The following ALK variants were observed in gnomAD, a reference collection of about 807,000 sequenced individuals.
The protein encoded by ALK is ALK tyrosine kinase receptor.
A neutral mutation model predicts 163.1 loss-of-function variants in ALK; 74 were observed. The ratio of observed to expected loss-of-function variants is 0.45; its 90% CI spans 0.38 to 0.55. The LOEUF is 0.55. ALK is among the 20% of genes least tolerant of loss of function. The pLI, the probability that ALK is intolerant of heterozygous loss-of-function variation, is 0.00. For missense variants in ALK, 2,063 were observed against 2,105.3 expected, an observed-to-expected ratio of 0.98 and a Z score of 0.39; for synonymous variants, 960 against 843.2, an observed-to-expected ratio of 1.14 and a Z score of -2.40.
chr2:29,232,676 T>C (rs867810296), intron 14 of ALK, among the ~76,000 whole-genome samples: 71 of 152,316 alleles, frequency 4.7e-4, no homozygotes, highest in African/African-American at 1.6e-3. Context: ...AAGACCTATA[T>C]ACCAAGAGCA....
intron 4 of ALK, among the ~76,000 whole-genome samples, chr2:29,420,153 T>C (rs1334621162): frequency 4.7e-5 from 3 of 63,592 alleles, no homozygotes; most frequent in African/African-American, 1.6e-4. Flanking sequence ...TGAGACCCTG[T>C]CTTAAAAAAA....
rs1572503392 is a variant in ALK, at chr2:29,920,318, T to C, written c.342A>G (p.Ser114=). 6 of 1,556,038 alleles carry C rather than the reference T, an allele frequency of 3.9e-6. No individual in the cohort carries two copies. Among genetic ancestry groups the C allele is most frequent in the Non-Finnish European group, 5.2e-6 (6 of 1,151,410 alleles). The stretch of plus-strand genomic sequence containing the variant: ...GCGTCCGGGCCTCTGCCGGGGCTGG[T>C]GAACCGGCGGTCCAGGAGACCCCCG... ...PAPGVSWTAG[S]PAPAEARTLS... Residue 114 remains serine, a synonymous_variant, in exon 1 of 29, where the codon TCA becomes TCG. Coordinates refer to ENST00000389048, the MANE Select transcript of ALK (RefSeq NM_004304.5).
At chr2:29,235,139 T>TA (rs1664336348) in intron 13 of ALK, among the ~76,000 whole-genome samples, 1 of 152,236 alleles carries the variant, frequency 6.6e-6, no homozygotes, top group African/African-American at 2.4e-5. Context: ...CCTGAAGAAG[T>TA]AGGATGGTGC....
intron 1 of ALK, among the ~76,000 whole-genome samples, chr2:29,771,268 C>T (rs79251953): frequency 0.026 from 3,916 of 152,174 alleles, 81 homozygotes; most frequent in South Asian, 0.056. Context: ...AACCAAAAGA[C>T]TTGAATTTCT....
At chr2:29,369,882 C>T (rs2148292263) in intron 5 of ALK, among the ~76,000 whole-genome samples, 1 of 152,268 alleles carries the variant, frequency 6.6e-6, no homozygotes, top group East Asian at 1.9e-4. Flanking sequence ...TTTTGCATTA[C>T]ATACAGCCAC....
chr2:29,537,206 C>A (rs1406084856), intron 3 of ALK, among the ~76,000 whole-genome samples: 3 of 152,134 alleles, frequency 2.0e-5, no homozygotes, highest in Non-Finnish European at 4.4e-5. Context: ...ATATCCAAGA[C>A]AATAAAAAAA....
rs761459938 is a variant in ALK at position 29,207,267 on chromosome 2, C to T, written c.3842G>A (p.Ser1281Asn). The T allele has an allele frequency of 9.9e-6, 16 of 1,613,884 alleles. No homozygotes were observed. In the Admixed American group the frequency reaches 2.7e-4, roughly 27 times the overall value. ...GGCACAGCCTCCCTTTCTATAGTAG[C>T]TCGCCCTGTGGGGAAGGAGAGGAAA... ...FGMARDIYRA[S>N]YYRKGGCAML... Residue 1281 changes from serine to asparagine, a missense_variant, in exon 26 of 29, where the codon AGC (serine) becomes AAC (asparagine). Transcript: ENST00000389048.
chr2:29,287,664 G>T (rs978775411), intron 9 of ALK, among the ~76,000 whole-genome samples: 1 of 152,014 alleles, frequency 6.6e-6, no homozygotes, highest in Non-Finnish European at 1.5e-5. Context: ...CAATGTGAGC[G>T]GAGCAGAAGT....
At chr2:29,908,960 C>A (rs1352193635) in intron 1 of ALK, among the ~76,000 whole-genome samples, 3 of 152,084 alleles carry the variant, frequency 2.0e-5, no homozygotes, top group Non-Finnish European at 4.4e-5. Flanking sequence ...GAAAAAAAAA[C>A]TAAACCAATA....
At chr2:29,575,352 G>T (rs1338450397) in intron 3 of ALK, among the ~76,000 whole-genome samples, 1 of 152,148 alleles carries the variant, frequency 6.6e-6, no homozygotes, top group African/African-American at 2.4e-5. Flanking sequence ...TTTTCACCAG[G>T]TTTCATCTGT....
intron 4 of ALK, among the ~76,000 whole-genome samples, chr2:29,481,104 C>T (rs571429813): frequency 4.6e-5 from 7 of 152,276 alleles, no homozygotes; most frequent in South Asian, 2.1e-4. Context: ...TTAGTGAACG[C>T]GAGACCTGAG....
chr2:29,266,017 AAAAC>A (rs1340523461), intron 11 of ALK, among the ~76,000 whole-genome samples: 3 of 152,182 alleles, frequency 2.0e-5, no homozygotes, highest in Non-Finnish European at 4.4e-5. Flanking sequence ...CAAAAACCCC[AAAAC>A]AAACAAACAA....
intron 1 of ALK, among the ~76,000 whole-genome samples, chr2:29,807,977 T>A (rs1664662743): frequency 6.6e-6 from 1 of 152,222 alleles, no homozygotes; most frequent in Non-Finnish European, 1.5e-5. Context: ...CTCCTTTTTT[T>A]AACAAAGAGA....
chr2:29,513,087 T>G (rs534922720), intron 4 of ALK, among the ~76,000 whole-genome samples: 2 of 151,542 alleles, frequency 1.3e-5, no homozygotes, highest in Non-Finnish European at 2.9e-5. Flanking sequence ...AGGTAATTTA[T>G]AGATTCAATG....
chr2:29,820,773 C>T (rs950491197), intron 1 of ALK, among the ~76,000 whole-genome samples: 1 of 152,216 alleles, frequency 6.6e-6, no homozygotes. Context: ...TAATCTTCCT[C>T]TTAGAAGAAC....
intron 3 of ALK, among the ~76,000 whole-genome samples, chr2:29,566,644 C>A (rs1458649693): frequency 6.6e-6 from 1 of 152,112 alleles, no homozygotes; most frequent in Non-Finnish European, 1.5e-5. Context: ...AATTAAAACC[C>A]AAATTTAGTG....
At chr2:29,762,968 TC>T (rs1276602873) in intron 1 of ALK, among the ~76,000 whole-genome samples, 1 of 151,556 alleles carries the variant, frequency 6.6e-6, no homozygotes, top group Non-Finnish European at 1.5e-5. Context: ...ATGCCTATAG[TC>T]CTATCTACTC....
chr2:29,349,527 C>T (rs1350680818), intron 5 of ALK, among the ~76,000 whole-genome samples: 1 of 152,202 alleles, frequency 6.6e-6, no homozygotes, highest in Non-Finnish European at 1.5e-5. Flanking sequence ...GAGAGACGCT[C>T]ATCTAGACAC....
chr2:29,373,040 A>G (rs1668674430), intron 5 of ALK, among the ~76,000 whole-genome samples: 1 of 152,162 alleles, frequency 6.6e-6, no homozygotes. Context: ...ACCTAAAGAG[A>G]AAACATCTTC....
Sources: allele counts gnomAD v4.1 joint callset (sites outside exome capture counted in the v4.1 genomes callset), GRCh38; gene constraint gnomAD v4.1.1; transcripts MANE v1.5; gene names NCBI Gene and HGNC (gene_info 2026-07-23, HGNC 2026-07-21).